Variants in EPCAM observed in about 807,000 individuals in gnomAD.
EPCAM encodes adenocarcinoma-associated antigen.
Under a neutral mutation model 40.0 loss-of-function variants are expected in EPCAM, and 39 were observed. The observed-to-expected ratio is 0.98, with a 90% confidence interval of 0.76 to 1.27. The LOEUF (loss-of-function observed/expected upper bound fraction) is 1.27. Ranked by LOEUF, EPCAM falls within the 50% of genes most tolerant of loss-of-function variation. The pLI is 0.00. For missense variants in EPCAM, 503 were observed against 381.2 expected, an observed-to-expected ratio of 1.32 and a Z score of -2.66; for synonymous variants, 168 against 132.3, an observed-to-expected ratio of 1.27 and a Z score of -1.85.
At chr2:47,369,642 G>C in intron 1 of EPCAM, 61 bp downstream of exon 1, 1 of 1,478,272 alleles carries the variant, frequency 6.8e-7, no homozygotes, top group Non-Finnish European at 9.3e-7. Flanking sequence ...AGCGGCCCCC[G>C]GCCCTCGGCC....
chr2:47,383,685 A>AGT (rs1361287631), intron 7 of EPCAM, among the ~76,000 whole-genome samples: 2 of 115,016 alleles, frequency 1.7e-5, no homozygotes, highest in African/African-American at 3.4e-5. Flanking sequence ...CCCAGGCTGG[A>AGT]GTGCAGTGGC....
Position 47,375,408 on chromosome 2 carries a change from T to A in EPCAM, c.491+109T>A, listed in dbSNP as rs998118057. The A allele has an allele frequency of 5.4e-6, 4 of 745,736 alleles. No homozygotes were observed. In the African/African-American group the frequency reaches 7.0e-5, roughly 13 times the overall value. The allele number at this position is 745,736 out of a possible 1,614,324, so 46.2% of individuals were successfully genotyped here. A position where few individuals can be genotyped will look rare whatever the true frequency, so the allele number is the denominator to read the frequency against. On this transcript the variant is annotated intron_variant, in intron 4 of 8. Coordinates refer to ENST00000263735, the MANE Select transcript of EPCAM (RefSeq NM_002354.3). The stretch of plus-strand genomic sequence containing the variant: ...AATGCTTTTTTATATTTCTGAAAAA[T>A]AAAGTTACTTGAAATAGAGTTGCAA...
chr2:47,377,656 A>T, intron 5 of EPCAM: 1 of 299,856 alleles, frequency 3.3e-6, no homozygotes, highest in Non-Finnish European at 6.8e-6. Flanking sequence ...TATCCTGGAG[A>T]ACCTGTCCCT....
At position 47,369,498 on chromosome 2, in the gene EPCAM, C is replaced by T; in HGVS notation, c.-8C>T. ...CTCCCGCGCCCCTCTTCTCGGCGCG[C>T]GCGCAGCATGGCGCCCCCGCAGGTC... On this transcript the variant is annotated 5_prime_UTR_variant, in exon 1 of 9. Transcript: ENST00000263735. 1 of 1,533,906 alleles carries T rather than the reference C, an allele frequency of 6.5e-7. No individual in the cohort carries two copies. The highest frequency in any genetic ancestry group is 2.5e-5 in the East Asian group (1 of 40,328).
At chr2:47,372,708 G>T (rs1361149036) in intron 1 of EPCAM, among the ~76,000 whole-genome samples, 3 of 151,470 alleles carry the variant, frequency 2.0e-5, no homozygotes, top group Non-Finnish European at 4.4e-5. Context: ...GGAGATGGAT[G>T]TTGCAGTGAG....
chr2:47,385,115 T>C, intron 7 of EPCAM, 51 bp from the exon 8 acceptor site: 2 of 1,379,564 alleles, frequency 1.4e-6, no homozygotes. Context: ...GTTTAGATAA[T>C]CTTTTTTTGA....
At chr2:47,382,843 G>C (rs1446177922) in intron 7 of EPCAM, among the ~76,000 whole-genome samples, 1 of 152,188 alleles carries the variant, frequency 6.6e-6, no homozygotes, top group East Asian at 1.9e-4. Context: ...TGGTTGCTAT[G>C]ATGTTGATAC....
intron 1 of EPCAM, 44 bp downstream of exon 1, chr2:47,369,625 G>GGGCGC (rs1558432816): frequency 6.5e-7 from 1 of 1,534,736 alleles, no homozygotes; most frequent in African/African-American, 1.4e-5. Context: ...GGGCTGGGCT[G>GGGCGC]GGGGGCAGCG....
intron 7 of EPCAM, among the ~76,000 whole-genome samples, chr2:47,383,987 CTCTT>C (rs1671668848): frequency 2.6e-5 from 4 of 151,352 alleles, no homozygotes; most frequent in African/African-American, 4.9e-5. Flanking sequence ...TTTTTTCTTT[CTCTT>C]TCTTTTCTGT....
chr2:47,375,209 C>T lies in EPCAM; in HGVS notation c.426-25C>T, dbSNP rs1321930162. 9.1e-6 allele frequency: 14 copies of T among 1,530,316 alleles called. No individual in the cohort carries two copies. The South Asian group carries it at 1.6e-4, about 17-fold the overall frequency. The allele number at this position is 1,530,316 out of a possible 1,614,324, so 94.8% of individuals were successfully genotyped here. A position where few individuals can be genotyped will look rare whatever the true frequency, so the allele number is the denominator to read the frequency against. ...GTATGGAAGACTGAGTTATAGTCAA[C>T]TGACATTGTCTTTTTACTTTATAGC... On this transcript the variant is annotated intron_variant, in intron 3 of 8. Transcript: ENST00000263735.
rs2103757315 is a variant in EPCAM at position 47,379,051 on chromosome 2, A to G, written c.654A>G (p.Lys218=). 6.7e-7 allele frequency: 1 copy of G among 1,491,428 alleles called. No homozygotes were observed. Among genetic ancestry groups the G allele is most frequent in the Non-Finnish European group, 9.4e-7 (1 of 1,068,330 alleles). The allele number at this position is 1,491,428 out of a possible 1,614,324, so 92.4% of individuals were successfully genotyped here. ...DIADVAYYFE[K]DVKGESLFHS... ...CTGATGTGGCTTATTATTTTGAAAA[A>G]GATGTGAGTATCATCTTCTTTATTC... Residue 218 remains lysine (K), a synonymous_variant, in exon 6 of 9, where the codon AAA becomes AAG. Transcript: ENST00000263735.
rs2103757066 is a variant in EPCAM at position 47,378,983 on chromosome 2, G to C, written c.586G>C (p.Val196Leu). 6.3e-7 allele frequency: 1 copy of C among 1,592,796 alleles called. No homozygotes were observed. The highest frequency in any genetic ancestry group is 8.6e-7 in the Non-Finnish European group (1 of 1,160,952). ...YENNVITIDL[V>L]QNSSQKTQND... ...GAATAATGTTATCACTATTGATCTG[G>C]TTCAAAATTCTTCTCAAAAAACTCA... The change falls in exon 6 of 9, where the codon GTT becomes CTT. Residue 196 changes from valine (V) to leucine (L), a missense_variant. By Grantham distance (32) the Val-to-Leu change is conservative (BLOSUM62 1). Transcript: ENST00000263735.
chr2:47,376,147 A>G (rs1043646533), intron 4 of EPCAM, among the ~76,000 whole-genome samples: 1 of 151,746 alleles, frequency 6.6e-6, no homozygotes, highest in Non-Finnish European at 1.5e-5. Context: ...AATATCGAAC[A>G]GTTTCTTGGC....
At chr2:47,383,965 T>A in intron 7 of EPCAM, among the ~76,000 whole-genome samples, 1 of 151,966 alleles carries the variant, frequency 6.6e-6, no homozygotes, top group Non-Finnish European at 1.5e-5. Context: ...TAAAGATTAT[T>A]CATTGTTTCC....
rs1046072306 is a variant in EPCAM at position 47,386,776 on chromosome 2, A to G, written c.*163A>G. ...GTACTCAAAATATAAGCAGCTTGAAACTGGCTTTACCAATCTTGAAATTTG... is the reference window on the plus strand; with the variant it reads ...GTACTCAAAATATAAGCAGCTTGAAGCTGGCTTTACCAATCTTGAAATTTG... On this transcript the variant is annotated 3_prime_UTR_variant, in exon 9 of 9. Coordinates refer to ENST00000263735, the MANE Select transcript of EPCAM (RefSeq NM_002354.3). The G allele has an allele frequency of 2.0e-5, 11 of 539,094 alleles. No individual in the cohort carries two copies. Among genetic ancestry groups the G allele is most frequent in the African/African-American group, 3.8e-5 (2 of 53,066 alleles). The allele number at this position is 539,094 out of a possible 1,614,324, so 33.4% of individuals were successfully genotyped here. A position where few individuals can be genotyped will look rare whatever the true frequency, so the allele number is the denominator to read the frequency against.
chr2:47,381,260 G>A (rs539720039), intron 7 of EPCAM, among the ~76,000 whole-genome samples: 1 of 151,572 alleles, frequency 6.6e-6, no homozygotes, highest in Non-Finnish European at 1.5e-5. Flanking sequence ...TCCGGGCATG[G>A]TGTCTCATGC....
In EPCAM at chr2:47,373,894, A is replaced by G; in HGVS notation, c.271A>G (p.Asn91Asp). The G allele has an allele frequency of 1.2e-6, 2 of 1,614,184 alleles. No individual in the cohort carries two copies. The highest frequency in any genetic ancestry group is 1.7e-6 in the Non-Finnish European group (2 of 1,180,030). ...RAKPEGALQN[N>D]DGLYDPDCDE... is the part of the protein sequence containing the mutation. ...AAAACCTGAAGGGGCCCTCCAGAACAATGATGGGCTTTATGATCCTGACTG... is the reference window on the plus strand; with the variant it reads ...AAAACCTGAAGGGGCCCTCCAGAACGATGATGGGCTTTATGATCCTGACTG... The change falls in exon 3 of 9, where the codon AAT becomes GAT. Residue 91 changes from asparagine (N) to aspartate (D), a missense_variant. Asn to Asp is a conservative substitution (Grantham distance 23). Transcript: ENST00000263735.
chr2:47,376,432 G>C (rs968403077), intron 4 of EPCAM, among the ~76,000 whole-genome samples: 1 of 151,540 alleles, frequency 6.6e-6, no homozygotes, highest in Non-Finnish European at 1.5e-5. Context: ...AATTTTTTTT[G>C]TATTTTTAGT....
Position 47,378,028 on chromosome 2 carries a change from C to T in EPCAM, c.556-925C>T, listed in dbSNP as rs577544299. 2.2e-4 allele frequency among the ~76,000 whole-genome samples: 33 copies of T among 151,994 alleles called. No individual in the cohort carries two copies. In the East Asian group the frequency reaches 5.7e-3, roughly 26 times the overall value. On this transcript the variant is annotated intron_variant, in intron 5 of 8. Transcript: ENST00000263735. ...CAGGTGGATCACAAGATCAGGAGAT[C>T]GAGACCATCGTGGCTAACACAGTGA... is the stretch of plus-strand genomic sequence containing the variant.
Sources: gnomAD v4.1 joint callset for allele counts (sites outside exome capture counted in the v4.1 genomes callset) on GRCh38, gnomAD v4.1.1 for gene constraint, MANE v1.5 for transcripts, NCBI Gene and HGNC (gene_info 2026-07-23, HGNC 2026-07-21) for gene names.